CSMD1: variants seen among roughly 807,000 people sequenced by gnomAD.
CSMD1 encodes CUB and Sushi multiple domains 1.
A neutral mutation model predicts 417.5 loss-of-function variants in CSMD1; 213 were observed. That is an observed-to-expected ratio of 0.51 (90% confidence interval 0.46 to 0.57). The LOEUF (loss-of-function observed/expected upper bound fraction) is 0.57, where lower values mean the gene tolerates loss of function less well. Among genes scored for constraint, CSMD1 ranks in the 20% least tolerant of loss-of-function variants. The probability of loss-of-function intolerance (pLI) is 0.00; values close to 1 mark genes in which losing one functional copy is unlikely to be tolerated. For synonymous variants in CSMD1, 2,862 were observed against 1,736.8 expected (o/e 1.65, Z -16.11); for missense variants, 6,923 against 4,529.7 (o/e 1.53, Z -15.17).
At chr8:4,044,074 TG>T (rs1585195114) in intron 3 of CSMD1, among the ~76,000 whole-genome samples, 1 of 152,180 alleles carries the variant, frequency 6.6e-6, no homozygotes, top group Non-Finnish European at 1.5e-5. Flanking sequence ...TGTCTTTTCT[TG>T]CCCATTGCTT....
At chr8:4,298,228 T>C (rs900122765) in intron 3 of CSMD1, among the ~76,000 whole-genome samples, 1 of 152,188 alleles carries the variant, frequency 6.6e-6, no homozygotes, top group African/African-American at 2.4e-5. Flanking sequence ...AATCTTTGCT[T>C]CCTGTTTCTG....
chr8:4,649,489 G>T (rs1217273854), intron 1 of CSMD1, among the ~76,000 whole-genome samples: 1 of 152,042 alleles, frequency 6.6e-6, no homozygotes, highest in Non-Finnish European at 1.5e-5. Flanking sequence ...AGAAATGAGG[G>T]GTATAAACCC....
intron 11 of CSMD1, among the ~76,000 whole-genome samples, chr8:3,492,045 T>A (rs1012025874): frequency 6.6e-6 from 1 of 152,182 alleles, no homozygotes; most frequent in Non-Finnish European, 1.5e-5. Context: ...GGAAAAGGAT[T>A]AATCAGTGAA....
chr8:4,961,282 T>A (rs1289992234), intron 1 of CSMD1, among the ~76,000 whole-genome samples: 1 of 152,114 alleles, frequency 6.6e-6, no homozygotes, highest in Non-Finnish European at 1.5e-5. Context: ...ATCAAACGCA[T>A]CCAAAAATGG....
chr8:3,894,017 C>G (rs1807174571), intron 5 of CSMD1, among the ~76,000 whole-genome samples: 1 of 152,050 alleles, frequency 6.6e-6, no homozygotes, highest in Non-Finnish European at 1.5e-5. Context: ...ATGTAAAACT[C>G]CCATAAAGGG....
At chr8:4,889,125 C>T (rs978507930) in intron 1 of CSMD1, among the ~76,000 whole-genome samples, 7 of 152,136 alleles carry the variant, frequency 4.6e-5, no homozygotes, top group Non-Finnish European at 1.0e-4. Flanking sequence ...GAAAGTATCA[C>T]TCACAGTATT....
At chr8:4,314,277 A>T (rs369886492) in intron 3 of CSMD1, among the ~76,000 whole-genome samples, 1 of 152,136 alleles carries the variant, frequency 6.6e-6, no homozygotes, top group Admixed American at 6.6e-5. Flanking sequence ...CTTAGTTACA[A>T]TCGACAAAGT....
chr8:4,633,555 C>A (rs1368250302), intron 2 of CSMD1, among the ~76,000 whole-genome samples: 2 of 148,162 alleles, frequency 1.3e-5, no homozygotes, highest in African/African-American at 2.5e-5. Flanking sequence ...GGCCTACTTC[C>A]TTTTTCTTTT....
At chr8:3,256,324 A>G (rs1411761629) in intron 26 of CSMD1, among the ~76,000 whole-genome samples, 1 of 55,750 alleles carries the variant, frequency 1.8e-5, no homozygotes, top group African/African-American at 6.4e-5. Context: ...AAAAAAAAAA[A>G]AGAGAAGAAA....
intron 14 of CSMD1, among the ~76,000 whole-genome samples, chr8:3,406,901 G>C (rs928540882): frequency 1.3e-5 from 2 of 152,216 alleles, no homozygotes; most frequent in South Asian, 4.1e-4. Context: ...ACATACTAGT[G>C]CTGTATTTTA....
intron 2 of CSMD1, among the ~76,000 whole-genome samples, chr8:4,478,201 C>T (rs1442022632): frequency 6.6e-5 from 10 of 152,136 alleles, no homozygotes; most frequent in Admixed American, 3.3e-4. Flanking sequence ...TTCTTTCACT[C>T]GCCAAATGAT....
chr8:4,874,084 C>G (rs1802896080), intron 1 of CSMD1, among the ~76,000 whole-genome samples: 1 of 152,070 alleles, frequency 6.6e-6, no homozygotes, highest in Non-Finnish European at 1.5e-5. Context: ...CATAGGCAAG[C>G]ACCGCATCAG....
At chr8:3,993,128 T>C (rs1374442000) in intron 5 of CSMD1, among the ~76,000 whole-genome samples, 1 of 152,246 alleles carries the variant, frequency 6.6e-6, no homozygotes, top group Non-Finnish European at 1.5e-5. Context: ...ATGAATTTCT[T>C]GGTGCCAATA....
chr8:3,536,918 T>A (rs1798224922), intron 10 of CSMD1, among the ~76,000 whole-genome samples: 1 of 152,236 alleles, frequency 6.6e-6, no homozygotes, highest in Non-Finnish European at 1.5e-5. Flanking sequence ...ATTGTACGAT[T>A]GCCCTAGTCG....
intron 23 of CSMD1, among the ~76,000 whole-genome samples, chr8:3,315,918 C>G (rs948465242): frequency 1.3e-5 from 2 of 152,108 alleles, no homozygotes; most frequent in African/African-American, 4.8e-5. Flanking sequence ...GAATTTAATG[C>G]TGGTTGTACT....
intron 3 of CSMD1, among the ~76,000 whole-genome samples, chr8:4,332,549 A>G (rs532304580): frequency 7.7e-4 from 80 of 103,470 alleles, no homozygotes; most frequent in African/African-American, 3.1e-3. Context: ...TCATGATATC[A>G]CATACACACA....
intron 10 of CSMD1, among the ~76,000 whole-genome samples, chr8:3,554,487 G>A (rs1483284516): frequency 1.3e-5 from 2 of 152,146 alleles, no homozygotes; most frequent in African/African-American, 4.8e-5. Flanking sequence ...GGAAGGGAGG[G>A]TGGAAGGGAA....
chr8:4,584,460 C>A (rs954838618), intron 2 of CSMD1, among the ~76,000 whole-genome samples: 7 of 152,056 alleles, frequency 4.6e-5, no homozygotes, highest in Non-Finnish European at 1.0e-4. Context: ...ACTAGCGTGG[C>A]CGCCGGACTA....
At chr8:3,439,535 T>G (rs1325367920) in intron 12 of CSMD1, among the ~76,000 whole-genome samples, 1 of 150,304 alleles carries the variant, frequency 6.7e-6, no homozygotes, top group African/African-American at 2.5e-5. Flanking sequence ...TTGTAGAGTC[T>G]TAAGAGTTCT....
Sources: allele counts gnomAD v4.1 joint callset (sites outside exome capture counted in the v4.1 genomes callset), GRCh38; gene constraint gnomAD v4.1.1; transcripts MANE v1.5; gene names NCBI Gene and HGNC (gene_info 2026-07-23, HGNC 2026-07-21).